APCDD1L: variants seen among roughly 807,000 people sequenced by gnomAD.
APCDD1L encodes APC down-regulated 1 like.
Under a neutral mutation model 24.2 loss-of-function variants are expected in APCDD1L, and 21 were observed. That is an observed-to-expected ratio of 0.87 (90% CI 0.61 to 1.25). APCDD1L has a LOEUF of 1.25. Among genes scored for constraint, APCDD1L ranks in the 50% most tolerant of loss-of-function variants. The pLI, the probability that APCDD1L is intolerant of heterozygous loss-of-function variation, is 0.00. For synonymous variants in APCDD1L, 321 were observed against 323.6 expected, an observed-to-expected ratio of 0.99 and a Z score of 0.09; for missense variants, 704 against 711.7, an observed-to-expected ratio of 0.99 and a Z score of 0.12.
rs377128218 is a variant in APCDD1L, at chr20:58,514,728, C to G, written c.-21G>C. ...GGCATCCCGTCGGGGCTGGCAGGAC[C>G]GCCCGCCGGGCGCTGCCACGGTGCG... On this transcript the variant is annotated 5_prime_UTR_variant, in exon 1 of 4. Transcript: ENST00000371149. 6 of 1,298,036 alleles carry G rather than the reference C, an allele frequency of 4.6e-6. No homozygotes were observed. The East Asian group carries it at 1.4e-4, about 31-fold the overall frequency. 80.4% of individuals were successfully genotyped at this position (1,298,036 alleles called of 1,614,324 possible). A position where few individuals can be genotyped will look rare whatever the true frequency, so the allele number is the denominator to read the frequency against.
At chr20:58,483,975 G>T (rs1421633051) in intron 1 of APCDD1L, among the ~76,000 whole-genome samples, 2 of 152,230 alleles carry the variant, frequency 1.3e-5, no homozygotes, top group East Asian at 3.9e-4. Flanking sequence ...GGCACAGTCA[G>T]AATGGGGAGC....
chr20:58,473,179 G>T (rs960456822), intron 1 of APCDD1L, among the ~76,000 whole-genome samples: 4 of 152,078 alleles, frequency 2.6e-5, no homozygotes, highest in Non-Finnish European at 5.9e-5. Context: ...TCTTGTCATT[G>T]TTTCCACAAA....
At chr20:58,472,549 T>C (rs1012026018) in intron 1 of APCDD1L, among the ~76,000 whole-genome samples, 1 of 152,212 alleles carries the variant, frequency 6.6e-6, no homozygotes, top group Admixed American at 6.5e-5. Context: ...CAACAAACAT[T>C]GGCCGACTGA....
chr20:58,493,521 G>A (rs1657441864), intron 1 of APCDD1L, among the ~76,000 whole-genome samples: 2 of 152,236 alleles, frequency 1.3e-5, no homozygotes, highest in African/African-American at 4.8e-5. Flanking sequence ...ATCCAGAAGT[G>A]AAAATGGAGG....
chr20:58,486,264 A>G (rs1441133194), intron 1 of APCDD1L, among the ~76,000 whole-genome samples: 1 of 152,244 alleles, frequency 6.6e-6, no homozygotes. Flanking sequence ...AAAATGACCA[A>G]GTAGATCTGG....
chr20:58,500,499 AC>A (rs1990413791), intron 1 of APCDD1L, among the ~76,000 whole-genome samples: 2 of 152,280 alleles, frequency 1.3e-5, no homozygotes, highest in South Asian at 4.1e-4. Context: ...CCAGTCCTGC[AC>A]CTGGCCCATA....
Position 58,461,744 on chromosome 20 carries a change from T to C in APCDD1L, c.742-190A>G. The C allele has an allele frequency of 4.0e-6, 2 of 505,978 alleles. No individual in the cohort carries two copies. The highest frequency in any genetic ancestry group is 6.2e-6 in the Non-Finnish European group (2 of 320,388). The allele number at this position is 505,978 out of a possible 1,614,324, so 31.3% of individuals were successfully genotyped here. On this transcript the variant is annotated intron_variant, in intron 3 of 3. Transcript: ENST00000371149. This position sits in a 1 kb window ranked among gnomAD's most constrained non-coding sequence, Gnocchi z 6.0. ...CTTGCTTCAGCCAGGATGGCCTCCT[T>C]GATGGAGGTCAGCCCCTGTATCCCC... is the stretch of plus-strand genomic sequence containing the variant.
chr20:58,510,825 T>TTGCTGTTGG (rs1990613349), intron 1 of APCDD1L, among the ~76,000 whole-genome samples: 1 of 152,214 alleles, frequency 6.6e-6, no homozygotes, highest in South Asian at 2.1e-4. Flanking sequence ...ATGAATTTTG[T>TTGCTGTTGG]TGCTGTTGGT....
intron 3 of APCDD1L, among the ~76,000 whole-genome samples, chr20:58,464,448 T>A (rs2123132028): frequency 6.6e-6 from 1 of 152,320 alleles, no homozygotes; most frequent in Admixed American, 6.5e-5. Context: ...GGGAAATCTT[T>A]CGGGCATCTT....
chr20:58,504,516 C>T (rs1990498766), intron 1 of APCDD1L, among the ~76,000 whole-genome samples: 2 of 152,192 alleles, frequency 1.3e-5, no homozygotes, highest in South Asian at 4.1e-4. Context: ...AATAGCAGTA[C>T]CTAAACCACA....
intron 3 of APCDD1L, among the ~76,000 whole-genome samples, chr20:58,463,534 C>T (rs1220492721): frequency 1.3e-5 from 2 of 152,186 alleles, no homozygotes; most frequent in Non-Finnish European, 2.9e-5. Context: ...CTTCTTTCTC[C>T]TTCTTCTCCT....
chr20:58,503,002 C>T (rs1269797234), intron 1 of APCDD1L, among the ~76,000 whole-genome samples: 1 of 152,122 alleles, frequency 6.6e-6, no homozygotes, highest in African/African-American at 2.4e-5. Context: ...TTTTATGGGA[C>T]CGGAATTCCG....
Position 58,508,421 on chromosome 20 carries a change from T to C in APCDD1L, c.49+6238A>G, listed in dbSNP as rs1990561769. Among the ~76,000 whole-genome samples the C allele has an allele frequency of 6.6e-6, 1 of 152,168 alleles. No individual in the cohort carries two copies. The highest frequency in any genetic ancestry group is 1.5e-5 in the Non-Finnish European group (1 of 68,028). ...ACATGGCTGAGACTGTGTCCATAAA[T>C]CAAGAGAGACTCCAGCTGATGTGCT... On this transcript the variant is annotated intron_variant, in intron 1 of 3. Coordinates refer to ENST00000371149, the MANE Select transcript of APCDD1L (RefSeq NM_153360.3). The surrounding 1 kb of genome is among the most constrained non-coding windows in gnomAD (Gnocchi z 4.0).
intron 1 of APCDD1L, among the ~76,000 whole-genome samples, chr20:58,510,846 T>C (rs998244263): frequency 1.3e-5 from 2 of 152,212 alleles, no homozygotes; most frequent in African/African-American, 4.8e-5. Context: ...ATCATTTTAA[T>C]AGTCAAGGTG....
At chr20:58,513,857 C>T (rs1990681746) in intron 1 of APCDD1L, 1 of 1,299,146 alleles carries the variant, frequency 7.7e-7, no homozygotes, top group Admixed American at 2.3e-5. Context: ...TCTGGGCTTC[C>T]CAGCCAGGTG....
chr20:58,501,963 A>T (rs1221043284), intron 1 of APCDD1L, among the ~76,000 whole-genome samples: 1 of 152,122 alleles, frequency 6.6e-6, no homozygotes, highest in Non-Finnish European at 1.5e-5. Context: ...ATCTCTTAGG[A>T]CTGGGCTGCA....
At chr20:58,489,014 A>G (rs1990174108) in intron 1 of APCDD1L, among the ~76,000 whole-genome samples, 1 of 152,178 alleles carries the variant, frequency 6.6e-6, no homozygotes, top group Non-Finnish European at 1.5e-5. Flanking sequence ...GAGTAGGGGG[A>G]AAAGAGGAGA....
rs1309005533 is a variant in APCDD1L, at chr20:58,508,296, TC to T, written c.49+6362del. Among the ~76,000 whole-genome samples the T allele has an allele frequency of 6.6e-6, 1 of 152,076 alleles. No homozygotes were observed. Among genetic ancestry groups the T allele is most frequent in the East Asian group, 1.9e-4 (1 of 5,188 alleles). ...GGTGCTTCCAGCCCAGCAGCCACTA[TC>T]CTCCCTAAGAAGAAAGAGAGGTTAT... On this transcript the variant is annotated intron_variant, in intron 1 of 3. Coordinates refer to ENST00000371149, the MANE Select transcript of APCDD1L (RefSeq NM_153360.3). This position sits in a 1 kb window ranked among gnomAD's most constrained non-coding sequence, Gnocchi z 4.0.
In APCDD1L at chr20:58,467,340, C is replaced by G; in HGVS notation, c.507G>C (p.Leu169=). 6.7e-7 allele frequency: 1 copy of G among 1,491,636 alleles called. No homozygotes were observed. 92.4% of individuals were successfully genotyped at this position (1,491,636 alleles called of 1,614,324 possible). A position where few individuals can be genotyped will look rare whatever the true frequency, so the allele number is the denominator to read the frequency against. The change falls in exon 3 of 4, where the codon CTG becomes CTC. Residue 169 remains leucine, a synonymous_variant. Transcript: ENST00000371149. The surrounding 1 kb of genome is among the most constrained non-coding windows in gnomAD (Gnocchi z 5.9). The part of the protein sequence containing the change: ...ARRLPPARAW[L]PGALYELRSA... ...TCCGCAGCTCGTACAGCGCCCCAGG[C>G]AGCCAGGCCCGGGCCGGAGGCAGCC... is the stretch of plus-strand genomic sequence containing the variant.
Sources: allele counts gnomAD v4.1 joint callset (sites outside exome capture counted in the v4.1 genomes callset), GRCh38; gene constraint gnomAD v4.1.1; non-coding constraint Gnocchi (gnomAD v3.1); transcripts MANE v1.5; gene names NCBI Gene and HGNC (gene_info 2026-07-23, HGNC 2026-07-21).